Variants in ITPKB observed in about 807,000 individuals in gnomAD.
ITPKB encodes inositol-trisphosphate 3-kinase B.
Under a neutral mutation model 69.4 loss-of-function variants are expected in ITPKB, and 13 were observed. That is an observed-to-expected ratio of 0.19 (90% confidence interval 0.12 to 0.30). The LOEUF is 0.30. Among genes scored for constraint, ITPKB ranks in the 10% least tolerant of loss-of-function variants. The pLI is 1.00. For synonymous variants in ITPKB, 584 were observed against 513.7 expected, an observed-to-expected ratio of 1.14 and a Z score of -1.85; for missense variants, 1,240 against 1,250.5, an observed-to-expected ratio of 0.99 and a Z score of 0.13.
rs1558297002 is a variant in ITPKB, at chr1:226,632,522, A to G, written c.*2149T>C. Reference sequence around the variant, plus strand: ...ACGGTAAATACAAAAAAAGAGAAAAAAAAAACAGAAAACAAAAACCCTAAG... The same window carrying G: ...ACGGTAAATACAAAAAAAGAGAAAAGAAAAACAGAAAACAAAAACCCTAAG... On this transcript the variant is annotated 3_prime_UTR_variant, in exon 8 of 8. Coordinates refer to ENST00000429204, the MANE Select transcript of ITPKB (RefSeq NM_002221.4). 6.6e-6 allele frequency: 1 copy of G among 152,204 alleles called. No homozygotes were observed. Among genetic ancestry groups the G allele is most frequent in the Non-Finnish European group, 1.5e-5 (1 of 68,010 alleles). 9.4% of individuals were successfully genotyped at this position (152,204 alleles called of 1,614,324 possible). A position where few individuals can be genotyped will look rare whatever the true frequency, so the allele number is the denominator to read the frequency against.
At position 226,738,756 on chromosome 1, in the gene ITPKB, C is replaced by G. The variant is rs1373904692; in HGVS notation, c.-206+285G>C. Among the ~76,000 whole-genome samples the G allele has an allele frequency of 5.3e-5, 8 of 152,348 alleles. No individual in the cohort carries two copies. In the East Asian group the frequency reaches 1.5e-3, roughly 29 times the overall value. On this transcript the variant is annotated intron_variant, in intron 1 of 7. Coordinates refer to ENST00000429204, the MANE Select transcript of ITPKB (RefSeq NM_002221.4). The surrounding 1 kb of genome is among the most constrained non-coding windows in gnomAD (Gnocchi z 4.2). ...GCCTCGCCCGGCGCCAGCAGAGCCG[C>G]CCCGAGACCCCAGCCTGGGGACTCC... is the stretch of plus-strand genomic sequence containing the variant.
chr1:226,691,871 T>C (rs1656360739), intron 2 of ITPKB, among the ~76,000 whole-genome samples: 1 of 152,184 alleles, frequency 6.6e-6, no homozygotes. Context: ...GAAGCAGCTC[T>C]GTGTTGCGTG....
At position 226,707,802 on chromosome 1, in the gene ITPKB, T is replaced by C. The variant is rs186661057; in HGVS notation, c.1932+27725A>G. 9 of 1,102,626 alleles carry C rather than the reference T, an allele frequency of 8.2e-6. No homozygotes were observed. In the East Asian group the frequency reaches 6.2e-4, roughly 76 times the overall value. The allele number at this position is 1,102,626 out of a possible 1,614,324, so 68.3% of individuals were successfully genotyped here. On this transcript the variant is annotated intron_variant, in intron 2 of 7. Transcript: ENST00000429204. ...TTAGACTTTACAGATGACCCCGTAA[T>C]TGGCTCAGTCTTTCCAGAGAGTAGT... is the stretch of plus-strand genomic sequence containing the variant.
At chr1:226,654,005 C>T (rs7542073) in intron 2 of ITPKB, among the ~76,000 whole-genome samples, 3,958 of 152,092 alleles carry the variant, frequency 0.026, 179 homozygotes, top group African/African-American at 0.091. Context: ...ACTCCAGAAG[C>T]GCAGGGAAAG....
rs113310699 is a variant in ITPKB at position 226,658,323 on chromosome 1, A to G, written c.1933-9552T>C. Among the ~76,000 whole-genome samples, 585 of 152,332 alleles carry G rather than the reference A, an allele frequency of 3.8e-3. 5 individuals are homozygous for G. Among genetic ancestry groups the G allele is most frequent in the African/African-American group, 0.014 (565 of 41,580 alleles). Reference sequence around the variant, plus strand: ...CCAGCTGGGTTGGCGGCAGCTGGGTACAAGCCCAGGCAGGTAGGGGCCCCT... The same window carrying G: ...CCAGCTGGGTTGGCGGCAGCTGGGTGCAAGCCCAGGCAGGTAGGGGCCCCT... On this transcript the variant is annotated intron_variant, in intron 2 of 7. Transcript: ENST00000429204.
In ITPKB at chr1:226,641,632, C is replaced by T. The variant is rs1267465323; in HGVS notation, c.2451+289G>A. On this transcript the variant is annotated intron_variant, in intron 5 of 7. Coordinates refer to ENST00000429204, the MANE Select transcript of ITPKB (RefSeq NM_002221.4). The surrounding 1 kb of genome is among the most constrained non-coding windows in gnomAD (Gnocchi z 4.6). The stretch of plus-strand genomic sequence containing the variant: ...CAGGCATCCCGCAGGTGCCTCTCGC[C>T]TGGCTTTCGGTGCCAGGCACCGTCT... Among the ~76,000 whole-genome samples, 3 of 152,226 alleles carry T rather than the reference C, an allele frequency of 2.0e-5. No individual in the cohort carries two copies. Among genetic ancestry groups the T allele is most frequent in the East Asian group, 1.9e-4 (1 of 5,186 alleles).
chr1:226,729,750 C>T (rs1657534316), intron 2 of ITPKB, among the ~76,000 whole-genome samples: 1 of 151,580 alleles, frequency 6.6e-6, no homozygotes, highest in African/African-American at 2.4e-5. Flanking sequence ...GGCTAACTTT[C>T]GTATTTTTAG....
At chr1:226,668,605 T>C (rs984972499) in intron 2 of ITPKB, among the ~76,000 whole-genome samples, 2 of 152,266 alleles carry the variant, frequency 1.3e-5, no homozygotes, top group Admixed American at 6.5e-5. Context: ...CAGGACTTTG[T>C]TGCAATGTCT....
intron 2 of ITPKB, among the ~76,000 whole-genome samples, chr1:226,652,585 G>A (rs1318901087): frequency 6.6e-6 from 1 of 152,160 alleles, no homozygotes; most frequent in African/African-American, 2.4e-5. Context: ...ATCAGACCCC[G>A]TCCCAGGTCT....
At chr1:226,719,151 C>G (rs1337308810) in intron 2 of ITPKB, among the ~76,000 whole-genome samples, 1 of 152,174 alleles carries the variant, frequency 6.6e-6, no homozygotes, top group African/African-American at 2.4e-5. Flanking sequence ...TGGTGGCGTA[C>G]GCCTGTAATC....
chr1:226,701,626 A>G (rs946078412), intron 2 of ITPKB, among the ~76,000 whole-genome samples: 1 of 151,008 alleles, frequency 6.6e-6, no homozygotes, highest in Admixed American at 6.6e-5. Context: ...AAAAAAAAAA[A>G]AAAAACTTCA....
chr1:226,736,873 G>A lies in ITPKB; in HGVS notation c.586C>T (p.Arg196Trp), dbSNP rs1449927340. Residue 196 changes from arginine (R) to tryptophan (W), a missense_variant, in exon 2 of 8, where the codon CGG (arginine) becomes TGG (tryptophan). By Grantham distance (101) the Arg-to-Trp change is moderately radical. This residue lies in a region of ITPKB where 992 missense variants were observed against 853.8 expected (regional missense o/e 1.16). Transcript: ENST00000429204. ...GACTTTGTCCTCCGTTCCTCGCTCC[G>A]GGCGCCCTGAACCAGGACCCTTCCA... Reference protein sequence around the residue: ...PPGRVLVQGARSEERRTKSWG... With the variant: ...PPGRVLVQGAWSEERRTKSWG... 1.2e-6 allele frequency: 2 copies of A among 1,610,896 alleles called. No homozygotes were observed. Among genetic ancestry groups the A allele is most frequent in the Non-Finnish European group, 1.7e-6 (2 of 1,180,032 alleles).
chr1:226,669,476 A>C (rs1255355342), intron 2 of ITPKB, among the ~76,000 whole-genome samples: 1 of 152,200 alleles, frequency 6.6e-6, no homozygotes. Flanking sequence ...AGAAGGTCCT[A>C]AGAGAACAGA....
At chr1:226,643,351 C>T (rs1370857120) in intron 4 of ITPKB, among the ~76,000 whole-genome samples, 1 of 152,172 alleles carries the variant, frequency 6.6e-6, no homozygotes, top group Non-Finnish European at 1.5e-5. Flanking sequence ...GAGCCCCAGT[C>T]TCCCTACACA....
chr1:226,649,852 A>AAAAAC lies in ITPKB; in HGVS notation c.1933-1082_1933-1081insGTTTT, dbSNP rs1553317100. ...AAAACAAACAAAACAAAACAAAAAA[A>AAAAAC]CAAAAAAAAAACATATTTTTAGAAA... On this transcript the variant is annotated intron_variant, in intron 2 of 7. Coordinates refer to ENST00000429204, the MANE Select transcript of ITPKB (RefSeq NM_002221.4). 8.5e-5 allele frequency among the ~76,000 whole-genome samples: 9 copies of AAAAAC among 105,738 alleles called. No individual in the cohort carries two copies. The South Asian group carries it at 2.7e-3, about 32-fold the overall frequency. The allele number at this position is 105,738 out of a possible 152,430, so 69.4% of individuals were successfully genotyped here.
At chr1:226,667,038 G>A (rs1455271926) in intron 2 of ITPKB, among the ~76,000 whole-genome samples, 4 of 152,210 alleles carry the variant, frequency 2.6e-5, no homozygotes, top group African/African-American at 9.6e-5. Context: ...CTAACCTACC[G>A]AGAGAACTCT....
At chr1:226,679,403 G>C (rs1216592217) in intron 2 of ITPKB, among the ~76,000 whole-genome samples, 1 of 152,182 alleles carries the variant, frequency 6.6e-6, no homozygotes, top group African/African-American at 2.4e-5. Context: ...TCTGGTTCCA[G>C]CTCTGCAGCT....
In ITPKB at chr1:226,635,570, C is replaced by T. The variant is rs961590319; in HGVS notation, c.2626-684G>A. On this transcript the variant is annotated intron_variant, in intron 7 of 7. Coordinates refer to ENST00000429204, the MANE Select transcript of ITPKB (RefSeq NM_002221.4). ...TAGACCACAACCCAATCTGGGGCCT[C>T]GCCCTTCCGCCTCCTAGAACCTGAC... is the stretch of plus-strand genomic sequence containing the variant. Among the ~76,000 whole-genome samples, 7 of 152,208 alleles carry T rather than the reference C, an allele frequency of 4.6e-5. No homozygotes were observed. The East Asian group carries it at 9.6e-4, about 21-fold the overall frequency.
chr1:226,654,650 G>A (rs1244948906), intron 2 of ITPKB, among the ~76,000 whole-genome samples: 1 of 152,164 alleles, frequency 6.6e-6, no homozygotes, highest in African/African-American at 2.4e-5. Flanking sequence ...GAGCTGCCCC[G>A]AGCCAGTGGG....
Sources: allele counts gnomAD v4.1 joint callset (sites outside exome capture counted in the v4.1 genomes callset), GRCh38; gene constraint gnomAD v4.1.1; regional missense constraint gnomAD v4.1.1; non-coding constraint Gnocchi (gnomAD v3.1); transcripts MANE v1.5; gene names NCBI Gene and HGNC (gene_info 2026-07-23, HGNC 2026-07-21).